Variants in EFNA5 observed in about 807,000 individuals in gnomAD.
The protein encoded by EFNA5 is ephrin A5.
EFNA5 carries 5 observed loss-of-function variants against 22.9 expected under a neutral mutation model. That is an observed-to-expected ratio of 0.22 (90% CI 0.11 to 0.46). The LOEUF (loss-of-function observed/expected upper bound fraction) is 0.46. Among genes scored for constraint, EFNA5 ranks in the 20% least tolerant of loss-of-function variants. The probability of loss-of-function intolerance (pLI) is 0.99; values close to 1 mark genes in which losing one functional copy is unlikely to be tolerated. For missense variants in EFNA5, 237 were observed against 293.3 expected (o/e 0.81, Z 1.40); for synonymous variants, 113 against 112.2 (o/e 1.01, Z -0.04).
intron 2 of EFNA5, among the ~76,000 whole-genome samples, chr5:107,421,401 A>G (rs989244988): frequency 2.0e-5 from 3 of 152,210 alleles, no homozygotes; most frequent in Non-Finnish European, 4.4e-5. Flanking sequence ...TCTCATTAAA[A>G]CATACTAATT....
chr5:107,395,537 T>C (rs575506404), intron 2 of EFNA5, among the ~76,000 whole-genome samples: 59 of 152,362 alleles, frequency 3.9e-4, no homozygotes, highest in African/African-American at 1.4e-3. Flanking sequence ...GTTTCTTATA[T>C]ATTTTACTAT....
rs148179670 is a variant in EFNA5, at chr5:107,621,603, CCT to C, written c.125+48884_125+48885del. Among the ~76,000 whole-genome samples the C allele has an allele frequency of 4.6e-3, 706 of 152,294 alleles. 4 individuals carry two copies. Among genetic ancestry groups the C allele is most frequent in the African/African-American group, 0.016 (663 of 41,564 alleles). ...TGAATCCATCTCCTGGCTCCACCCC[CCT>C]GAGGCAGCTGATCATGAGAGAGCTA... On this transcript the variant is annotated intron_variant, in intron 1 of 4. Coordinates refer to ENST00000333274, the MANE Select transcript of EFNA5 (RefSeq NM_001962.3).
At chr5:107,558,657 T>C (rs1027583189) in intron 1 of EFNA5, among the ~76,000 whole-genome samples, 1 of 152,240 alleles carries the variant, frequency 6.6e-6, no homozygotes, top group African/African-American at 2.4e-5. Flanking sequence ...GGCCAAAGCT[T>C]TAGCAGATAA....
At chr5:107,633,550 T>C (rs1442764361) in intron 1 of EFNA5, among the ~76,000 whole-genome samples, 1 of 152,232 alleles carries the variant, frequency 6.6e-6, no homozygotes, top group Non-Finnish European at 1.5e-5. Flanking sequence ...GTGAGCACCA[T>C]CAATTATGCA....
intron 1 of EFNA5, among the ~76,000 whole-genome samples, chr5:107,594,113 C>T (rs369424813): frequency 6.6e-6 from 1 of 152,094 alleles, no homozygotes; most frequent in African/African-American, 2.4e-5. Flanking sequence ...AATACTGTAA[C>T]CTGGGTATAT....
intron 1 of EFNA5, among the ~76,000 whole-genome samples, chr5:107,540,145 A>AG (rs1468627322): frequency 1.3e-5 from 2 of 151,264 alleles, no homozygotes; most frequent in East Asian, 3.9e-4. Flanking sequence ...GGGGGTGAAG[A>AG]GGGGGAGGGG....
chr5:107,638,074 C>G (rs1226558796), intron 1 of EFNA5, among the ~76,000 whole-genome samples: 2 of 151,520 alleles, frequency 1.3e-5, no homozygotes, highest in African/African-American at 2.4e-5. Flanking sequence ...AGGATGGTCT[C>G]GATCTCCTGA....
chr5:107,644,914 C>T (rs929569175), intron 1 of EFNA5, among the ~76,000 whole-genome samples: 2 of 152,012 alleles, frequency 1.3e-5, no homozygotes, highest in Admixed American at 6.6e-5. Flanking sequence ...TTGGTCAGGC[C>T]GGTCTCGAAC....
chr5:107,562,009 G>A (rs1160419920), intron 1 of EFNA5, among the ~76,000 whole-genome samples: 1 of 152,174 alleles, frequency 6.6e-6, no homozygotes, highest in African/African-American at 2.4e-5. Flanking sequence ...GACGCACCCT[G>A]CCACCCTTGG....
chr5:107,603,857 G>A (rs1459879725), intron 1 of EFNA5, among the ~76,000 whole-genome samples: 1 of 152,180 alleles, frequency 6.6e-6, no homozygotes, highest in Non-Finnish European at 1.5e-5. Context: ...TAGCTTTACA[G>A]AACGGCAATG....
At chr5:107,633,071 G>A (rs1750292646) in intron 1 of EFNA5, among the ~76,000 whole-genome samples, 3 of 151,834 alleles carry the variant, frequency 2.0e-5, no homozygotes, top group South Asian at 4.2e-4. Flanking sequence ...TATAACAAGA[G>A]GGAAGTCCTT....
intron 1 of EFNA5, among the ~76,000 whole-genome samples, chr5:107,632,646 A>C (rs534839987): frequency 2.6e-4 from 40 of 152,264 alleles, no homozygotes; most frequent in African/African-American, 9.4e-4. Flanking sequence ...CTGTCCCTTC[A>C]AATGTAAACA....
At chr5:107,661,732 G>A (rs958220972) in intron 1 of EFNA5, among the ~76,000 whole-genome samples, 3 of 152,178 alleles carry the variant, frequency 2.0e-5, no homozygotes, top group African/African-American at 4.8e-5. Flanking sequence ...ATGTAAGCAC[G>A]TGAAGTTGTC....
At chr5:107,384,084 C>T (rs569914643) in intron 4 of EFNA5, among the ~76,000 whole-genome samples, 1 of 152,250 alleles carries the variant, frequency 6.6e-6, no homozygotes, top group African/African-American at 2.4e-5. Context: ...TCTACAGCCC[C>T]CAAATGTGAA....
chr5:107,664,152 T>C (rs1751023101), intron 1 of EFNA5, among the ~76,000 whole-genome samples: 1 of 152,120 alleles, frequency 6.6e-6, no homozygotes, highest in South Asian at 2.1e-4. Flanking sequence ...ATTTTTCAAT[T>C]AGAAAATAGC....
chr5:107,554,066 T>C (rs1301963367), intron 1 of EFNA5, among the ~76,000 whole-genome samples: 1 of 152,200 alleles, frequency 6.6e-6, no homozygotes, highest in Non-Finnish European at 1.5e-5. Context: ...AATAGAATAA[T>C]TTTATGATAA....
intron 1 of EFNA5, among the ~76,000 whole-genome samples, chr5:107,604,938 A>G (rs1749680745): frequency 6.6e-6 from 1 of 152,084 alleles, no homozygotes; most frequent in Non-Finnish European, 1.5e-5. Context: ...GTCTCTCCCA[A>G]TCTACAAATG....
intron 1 of EFNA5, among the ~76,000 whole-genome samples, chr5:107,665,847 C>T (rs757860581): frequency 7.2e-5 from 11 of 152,236 alleles, no homozygotes; most frequent in Non-Finnish European, 1.2e-4. Flanking sequence ...GGTCAATTCA[C>T]GTCTCTTATA....
intron 1 of EFNA5, among the ~76,000 whole-genome samples, chr5:107,490,089 G>C (rs1168153628): frequency 6.6e-6 from 1 of 152,258 alleles, no homozygotes; most frequent in South Asian, 2.1e-4. Flanking sequence ...AACCATGGGG[G>C]ACCAGCTAGC....
Sources: allele counts gnomAD v4.1 joint callset (sites outside exome capture counted in the v4.1 genomes callset), GRCh38; gene constraint gnomAD v4.1.1; transcripts MANE v1.5; gene names NCBI Gene and HGNC (gene_info 2026-07-23, HGNC 2026-07-21).